The following EXD1 variants were observed in gnomAD, a reference collection of about 807,000 sequenced individuals.
EXD1 encodes the protein exonuclease 3'-5' domain containing 1.
In EXD1, 63 loss-of-function variants were observed where a neutral mutation model predicts 49.1. That is an observed-to-expected ratio of 1.28 (90% confidence interval 1.05 to 1.58). The LOEUF (loss-of-function observed/expected upper bound fraction) is 1.58. EXD1 is among the 40% of genes most tolerant of loss of function. EXD1 has a pLI of 0.00. For missense variants in EXD1, 748 were observed against 666.0 expected (o/e 1.12, Z -1.36); for synonymous variants, 234 against 239.2 (o/e 0.98, Z 0.20).
intron 7 of EXD1, among the ~76,000 whole-genome samples, chr15:41,205,698 G>T (rs1182373994): frequency 7.5e-6 from 1 of 132,458 alleles, no homozygotes; most frequent in African/African-American, 2.9e-5. Flanking sequence ...TCTCAAAAAA[G>T]TAAGGAAGGA....
At chr15:41,224,288 C>T (rs897660726) in intron 2 of EXD1, among the ~76,000 whole-genome samples, 1 of 152,052 alleles carries the variant, frequency 6.6e-6, no homozygotes, top group African/African-American at 2.4e-5. Context: ...TGTATGTGTC[C>T]GTGGTACCAA....
rs146685114 is a variant in EXD1 at position 41,184,353 on chromosome 15, C to T, written c.1297G>A (p.Gly433Arg). 3.3e-5 allele frequency: 53 copies of T among 1,614,132 alleles called. No individual in the cohort carries two copies. The highest frequency in any genetic ancestry group is 4.0e-5 in the Non-Finnish European group (47 of 1,180,016). ...TCTTCTTTCAGTAAATTCACATCCC[C>T]GTGAAAGTCTTGAGATGTAAAACTT... The part of the protein sequence containing the change: ...APSFTSQDFH[G>R]DVNLLKEESL... Residue 433 changes from glycine to arginine, a missense_variant, in exon 12 of 12, where the codon GGG becomes AGG. Coordinates refer to ENST00000458580, the MANE Select transcript of EXD1 (RefSeq NM_001286441.2).
At chr15:41,206,618 C>CTTTTTTTT (rs764744329) in intron 7 of EXD1, among the ~76,000 whole-genome samples, 2 of 101,192 alleles carry the variant, frequency 2.0e-5, no homozygotes, top group Admixed American at 1.3e-4. Context: ...TTATTCAATT[C>CTTTTTTTT]TTTTTTTTTT....
chr15:41,189,447 A>G (rs1471328922), intron 11 of EXD1, among the ~76,000 whole-genome samples: 5 of 151,776 alleles, frequency 3.3e-5, no homozygotes, highest in African/African-American at 1.2e-4. Flanking sequence ...GCGGATCACA[A>G]GGTCAGGAGT....
chr15:41,225,322 A>C (rs994206401), intron 2 of EXD1, among the ~76,000 whole-genome samples: 2 of 152,144 alleles, frequency 1.3e-5, no homozygotes, highest in Non-Finnish European at 2.9e-5. Context: ...TAGTGGCTCA[A>C]GCCTGTAATC....
Position 41,183,867 on chromosome 15 carries a change from TG to T in EXD1, c.*63del, listed in dbSNP as rs2140784066. The T allele has an allele frequency of 6.8e-7, 1 of 1,481,400 alleles. No homozygotes were observed. Among genetic ancestry groups the T allele is most frequent in the Non-Finnish European group, 9.1e-7 (1 of 1,104,002 alleles). 91.8% of individuals were successfully genotyped at this position (1,481,400 alleles called of 1,614,324 possible). Reference sequence around the variant, plus strand: ...TACAACATGAGAAACCTGGGCACTGTGGAAAGCCCTGATGGCAAAGGAAATA... The same window carrying T: ...TACAACATGAGAAACCTGGGCACTGTGAAAGCCCTGATGGCAAAGGAAATA... On this transcript the variant is annotated 3_prime_UTR_variant, in exon 12 of 12. Coordinates refer to ENST00000458580, the MANE Select transcript of EXD1 (RefSeq NM_001286441.2).
intron 7 of EXD1, among the ~76,000 whole-genome samples, chr15:41,197,737 C>A (rs1399972355): frequency 6.6e-6 from 1 of 151,654 alleles, no homozygotes; most frequent in Non-Finnish European, 1.5e-5. Flanking sequence ...TCAAGTGATT[C>A]TCCTGCCTCC....
At chr15:41,217,248 G>T (rs771785900) in intron 3 of EXD1, 94 bp from the exon 4 acceptor site, 3 of 997,400 alleles carry the variant, frequency 3.0e-6, no homozygotes, top group Non-Finnish European at 3.0e-6. Context: ...ACCATGTACT[G>T]CAAACAATAA....
chr15:41,215,050 G>A (rs1216185212), intron 6 of EXD1, among the ~76,000 whole-genome samples: 1 of 152,036 alleles, frequency 6.6e-6, no homozygotes, highest in African/African-American at 2.4e-5. Context: ...CAGCCTTTAA[G>A]TTCTCCACTT....
In EXD1 at chr15:41,197,376, T is replaced by C. The variant is rs180840256; in HGVS notation, c.535-1339A>G. ...CTGAGTAGCTGGGACTAAAGGCACCTGCCACCATGCCCTGCTAATTGTTTT... is the reference window on the plus strand; with the variant it reads ...CTGAGTAGCTGGGACTAAAGGCACCCGCCACCATGCCCTGCTAATTGTTTT... On this transcript the variant is annotated intron_variant, in intron 7 of 11. Coordinates refer to ENST00000458580, the MANE Select transcript of EXD1 (RefSeq NM_001286441.2). Among the ~76,000 whole-genome samples the C allele has an allele frequency of 3.3e-3, 507 of 151,598 alleles. 2 individuals are homozygous for C. The highest frequency in any genetic ancestry group is 0.012 in the African/African-American group (482 of 41,382).
intron 2 of EXD1, among the ~76,000 whole-genome samples, chr15:41,225,006 C>G (rs1168540373): frequency 6.6e-6 from 1 of 151,964 alleles, no homozygotes; most frequent in Non-Finnish European, 1.5e-5. Flanking sequence ...TTTGCATTTG[C>G]CTGTTCTTGA....
At position 41,215,961 on chromosome 15, in the gene EXD1, A is replaced by G. The variant is rs561409394; in HGVS notation, c.389-128T>C. On this transcript the variant is annotated intron_variant, in intron 5 of 11. Coordinates refer to ENST00000458580, the MANE Select transcript of EXD1 (RefSeq NM_001286441.2). Reference sequence around the variant, plus strand: ...TCAAATACCCTAAAATTGCAAAACCACCCTCCCTACGTACTACTTCTCTTC... The same window carrying G: ...TCAAATACCCTAAAATTGCAAAACCGCCCTCCCTACGTACTACTTCTCTTC... 28 of 783,154 alleles carry G rather than the reference A, an allele frequency of 3.6e-5. No homozygotes were observed. In the African/African-American group the frequency reaches 4.4e-4, roughly 12 times the overall value. The allele number at this position is 783,154 out of a possible 1,614,324, so 48.5% of individuals were successfully genotyped here.
At chr15:41,184,869 G>A (rs1313353060) in intron 11 of EXD1, among the ~76,000 whole-genome samples, 1 of 152,050 alleles carries the variant, frequency 6.6e-6, no homozygotes, top group East Asian at 1.9e-4. Flanking sequence ...CGTTAGCCAA[G>A]ATGGTCTCGA....
chr15:41,192,621 T>G (rs1013990130), intron 9 of EXD1, among the ~76,000 whole-genome samples: 1 of 109,896 alleles, frequency 9.1e-6, no homozygotes, highest in African/African-American at 3.8e-5. Context: ...TTTTTTTTTT[T>G]TTTTTTTTTT....
chr15:41,215,918 T>C (rs939377415), intron 5 of EXD1, 85 bp from the exon 6 acceptor site: 85 of 1,357,022 alleles, frequency 6.3e-5, no homozygotes, highest in Non-Finnish European at 6.3e-6. Flanking sequence ...CACTCATATA[T>C]TCCTACTGTA....
intron 2 of EXD1, among the ~76,000 whole-genome samples, chr15:41,223,734 G>A (rs373468839): frequency 1.8e-4 from 26 of 146,874 alleles, no homozygotes; most frequent in African/African-American, 6.5e-4. Flanking sequence ...GCGTGGTGGC[G>A]GGCGCCTGTA....
intron 7 of EXD1, among the ~76,000 whole-genome samples, chr15:41,204,296 A>C (rs1488349200): frequency 6.6e-6 from 1 of 150,868 alleles, no homozygotes; most frequent in Non-Finnish European, 1.5e-5. Context: ...CACGCCTGTA[A>C]TCCCAGCACT....
chr15:41,206,870 G>A (rs113833062), intron 7 of EXD1, among the ~76,000 whole-genome samples: 32 of 134,596 alleles, frequency 2.4e-4, no homozygotes, highest in Admixed American at 1.1e-3. Flanking sequence ...TCTGCCCACC[G>A]TAGCCTCCCA....
intron 2 of EXD1, 56 bp downstream of exon 2, chr15:41,226,387 G>T (rs2047164807): frequency 1.3e-6 from 2 of 1,501,734 alleles, no homozygotes; most frequent in African/African-American, 2.8e-5. Flanking sequence ...GGAGCCCACT[G>T]AAAGTCAATC....
Sources: gnomAD v4.1 joint callset for allele counts (sites outside exome capture counted in the v4.1 genomes callset) on GRCh38, gnomAD v4.1.1 for gene constraint, MANE v1.5 for transcripts, NCBI Gene and HGNC (gene_info 2026-07-23, HGNC 2026-07-21) for gene names.